Variants in CADPS observed in about 807,000 individuals in gnomAD.
The protein encoded by CADPS is calcium-dependent secretion activator 1.
Under a neutral mutation model 167.3 loss-of-function variants are expected in CADPS, and 57 were observed. The observed-to-expected ratio is 0.34, with a 90% CI of 0.28 to 0.42. CADPS has a LOEUF of 0.42. Among genes scored for constraint, CADPS ranks in the 20% least tolerant of loss-of-function variants. The probability of loss-of-function intolerance (pLI) is 1.00; values close to 1 mark genes in which losing one functional copy is unlikely to be tolerated. For missense variants in CADPS, 1,414 were observed against 1,738.1 expected (o/e 0.81, Z 3.32); for synonymous variants, 676 against 635.3 (o/e 1.06, Z -0.96).
intron 1 of CADPS, among the ~76,000 whole-genome samples, chr3:62,783,127 A>G (rs2091957137): frequency 1.3e-5 from 2 of 152,152 alleles, no homozygotes; most frequent in South Asian, 4.1e-4. Context: ...CAAAAAGAAA[A>G]CAAACGCTAA....
At chr3:62,408,205 T>A (rs2048280167) in intron 28 of CADPS, among the ~76,000 whole-genome samples, 2 of 152,190 alleles carry the variant, frequency 1.3e-5, no homozygotes, top group South Asian at 4.1e-4. Context: ...TTCTCTAACA[T>A]TCGGGTTCAC....
At position 62,690,584 on chromosome 3, in the gene CADPS, C is replaced by T. The variant is rs142148821; in HGVS notation, c.889-28190G>A. On this transcript the variant is annotated intron_variant, in intron 3 of 29. Transcript: ENST00000383710. ...AACCCGGACTGTCCCTGTGTCCATG[C>T]GGCATGGTAGGAAGCACACTCCTGC... Among the ~76,000 whole-genome samples the T allele has an allele frequency of 1.5e-4, 23 of 151,904 alleles. 1 individual carries two copies. Among genetic ancestry groups the T allele is most frequent in the African/African-American group, 5.3e-4 (22 of 41,424 alleles).
At chr3:62,855,181 G>T (rs1341883938) in intron 1 of CADPS, among the ~76,000 whole-genome samples, 1 of 148,282 alleles carries the variant, frequency 6.7e-6, no homozygotes, top group Non-Finnish European at 1.5e-5. Flanking sequence ...CTGACCTCAG[G>T]CAATCTGCCC....
chr3:62,645,913 C>G (rs1331944432), intron 5 of CADPS, 70 bp from the exon 6 acceptor site: 1 of 1,571,152 alleles, frequency 6.4e-7, no homozygotes, highest in Non-Finnish European at 8.7e-7. Context: ...GAGGAAAATA[C>G]ACAAATGAGA....
intron 28 of CADPS, among the ~76,000 whole-genome samples, chr3:62,418,854 C>A (rs2050736768): frequency 6.6e-6 from 1 of 152,180 alleles, no homozygotes; most frequent in East Asian, 1.9e-4. Flanking sequence ...TAGATCTGTG[C>A]TTGCCTGTGC....
At chr3:62,623,915 AC>A (rs1172735116) in intron 6 of CADPS, among the ~76,000 whole-genome samples, 1 of 151,476 alleles carries the variant, frequency 6.6e-6, no homozygotes, top group Non-Finnish European at 1.5e-5. Flanking sequence ...CTCCCTGGGG[AC>A]ATTTGAGAGT....
Position 62,478,468 on chromosome 3 carries a change from A to ACAAAAAC in CADPS, c.3174-59_3174-53dup. 4 of 1,534,490 alleles carry ACAAAAAC rather than the reference A, an allele frequency of 2.6e-6. No individual in the cohort carries two copies. The highest frequency in any genetic ancestry group is 3.6e-6 in the Non-Finnish European group (4 of 1,125,140). On this transcript the variant is annotated intron_variant, in intron 22 of 29. Transcript: ENST00000383710. The surrounding 1 kb of genome is among the most constrained non-coding windows in gnomAD (Gnocchi z 5.7). ...GAGTCACCCACTGGCCTCAGGCTCT[A>ACAAAAAC]CAAAAACTAACACAGAGACAACTGG...
intron 1 of CADPS, among the ~76,000 whole-genome samples, chr3:62,792,556 C>G (rs2093042598): frequency 6.6e-6 from 1 of 151,930 alleles, no homozygotes; most frequent in African/African-American, 2.4e-5. Flanking sequence ...GGTATATTTT[C>G]TGAATGAAAG....
intron 3 of CADPS, among the ~76,000 whole-genome samples, chr3:62,721,750 G>A (rs1303737289): frequency 3.3e-5 from 5 of 152,086 alleles, no homozygotes; most frequent in Admixed American, 2.6e-4. Context: ...AAGGCTTTAT[G>A]CACATTATTT....
At chr3:62,665,696 G>T (rs893517985) in intron 3 of CADPS, among the ~76,000 whole-genome samples, 7 of 152,174 alleles carry the variant, frequency 4.6e-5, no homozygotes, top group Non-Finnish European at 1.0e-4. Flanking sequence ...TTCTTTTGGG[G>T]AGGCTGTAGC....
intron 3 of CADPS, among the ~76,000 whole-genome samples, chr3:62,714,158 G>A (rs1372792286): frequency 6.6e-6 from 1 of 152,114 alleles, no homozygotes; most frequent in East Asian, 1.9e-4. Context: ...CAAGGTCACA[G>A]CTAGTTGGTA....
chr3:62,822,711 G>T (rs534022174), intron 1 of CADPS, among the ~76,000 whole-genome samples: 1 of 151,986 alleles, frequency 6.6e-6, no homozygotes, highest in South Asian at 2.1e-4. Flanking sequence ...GCGTGGTAGC[G>T]CATGCCTGTA....
At chr3:62,634,146 A>G (rs2065817360) in intron 6 of CADPS, among the ~76,000 whole-genome samples, 1 of 152,208 alleles carries the variant, frequency 6.6e-6, no homozygotes, top group Admixed American at 6.5e-5. Context: ...ATTTCATTTA[A>G]TATGATGAAT....
Position 62,601,760 on chromosome 3 carries a change from A to T in CADPS, c.1326-9012T>A, listed in dbSNP as rs1240953849. ...CATGAGTAGCAGATGATTCATATTT[A>T]GGGGGATGGGGATGACTTTTAAAGT... On this transcript the variant is annotated intron_variant, in intron 6 of 29. Coordinates refer to ENST00000383710, the MANE Select transcript of CADPS (RefSeq NM_003716.4). This position sits in a 1 kb window ranked among gnomAD's most constrained non-coding sequence, Gnocchi z 4.3. Among the ~76,000 whole-genome samples, 3 of 152,196 alleles carry T rather than the reference A, an allele frequency of 2.0e-5. No homozygotes were observed. The highest frequency in any genetic ancestry group is 4.4e-5 in the Non-Finnish European group (3 of 68,026).
At position 62,762,315 on chromosome 3, in the gene CADPS, C is replaced by A. The variant is rs137927888; in HGVS notation, c.555+3556G>T. 6.3e-4 allele frequency among the ~76,000 whole-genome samples: 96 copies of A among 152,172 alleles called. 1 individual carries two copies. The East Asian group carries it at 0.015, about 24-fold the overall frequency. ...TATAGTATGACAACAATTAACATAA[C>A]ATTTACATTGTATTAGTTTTTATGA... On this transcript the variant is annotated intron_variant, in intron 2 of 29. Transcript: ENST00000383710.
intron 1 of CADPS, among the ~76,000 whole-genome samples, chr3:62,785,158 GT>G (rs1286495230): frequency 2.0e-5 from 3 of 151,938 alleles, no homozygotes; most frequent in Non-Finnish European, 2.9e-5. Context: ...AAGAGGGTTA[GT>G]TAAACTAACC....
intron 6 of CADPS, among the ~76,000 whole-genome samples, chr3:62,597,173 T>C (rs1271673397): frequency 6.6e-6 from 1 of 152,020 alleles, no homozygotes; most frequent in Non-Finnish European, 1.5e-5. Context: ...TTTTATTTTT[T>C]CTACAAAAAA....
intron 21 of CADPS, among the ~76,000 whole-genome samples, chr3:62,483,474 C>A (rs141128007): frequency 6.6e-6 from 1 of 152,120 alleles, no homozygotes; most frequent in Admixed American, 6.5e-5. Context: ...TATTCTTTCA[C>A]AATGGCAATA....
intron 5 of CADPS, among the ~76,000 whole-genome samples, chr3:62,646,924 G>C (rs900772031): frequency 6.6e-6 from 1 of 152,166 alleles, no homozygotes. Flanking sequence ...GGTCCAGACT[G>C]AGAGAAAAAG....
Sources: allele counts gnomAD v4.1 joint callset (sites outside exome capture counted in the v4.1 genomes callset), GRCh38; gene constraint gnomAD v4.1.1; non-coding constraint Gnocchi (gnomAD v3.1); transcripts MANE v1.5; gene names NCBI Gene and HGNC (gene_info 2026-07-23, HGNC 2026-07-21).